TIAM1: variants seen among roughly 807,000 people sequenced by gnomAD.
TIAM1 encodes rho guanine nucleotide exchange factor TIAM1.
Under a neutral mutation model 163.5 loss-of-function variants are expected in TIAM1, and 65 were observed. The observed-to-expected ratio is 0.40, with a 90% CI of 0.33 to 0.49. TIAM1 has a LOEUF of 0.49. Among genes scored for constraint, TIAM1 ranks in the 20% least tolerant of loss-of-function variants. The pLI is 0.77. For synonymous variants in TIAM1, 833 were observed against 810.1 expected (o/e 1.03, Z -0.48); for missense variants, 1,789 against 2,044.7 (o/e 0.87, Z 2.41).
At chr21:31,329,498 G>A (rs187437824) in intron 2 of TIAM1, among the ~76,000 whole-genome samples, 3 of 152,256 alleles carry the variant, frequency 2.0e-5, no homozygotes, top group East Asian at 1.9e-4. Flanking sequence ...ATTCAAATAC[G>A]ACCAAATCCC....
upstream of TIAM1, among the ~76,000 whole-genome samples, chr21:31,347,547 A>G (rs1023119067): frequency 6.6e-6 from 1 of 152,232 alleles, no homozygotes; most frequent in Non-Finnish European, 1.5e-5. Flanking sequence ...ATGTGAACGC[A>G]GGTCCGAGCC....
chr21:31,397,343 T>C (rs967238847), intron 2 of TIAM1, among the ~76,000 whole-genome samples: 4 of 152,174 alleles, frequency 2.6e-5, no homozygotes, highest in Admixed American at 1.3e-4. Flanking sequence ...CAAATTCCTA[T>C]ACAGATCTTT....
chr21:31,418,160 G>A (rs367556220), intron 2 of TIAM1, among the ~76,000 whole-genome samples: 20 of 151,870 alleles, frequency 1.3e-4, no homozygotes, highest in Non-Finnish European at 2.5e-4. Flanking sequence ...TGGCCAACAT[G>A]GCGAAACCCC....
chr21:31,118,878 G>A lies in TIAM1; in HGVS notation c.*1490C>T, dbSNP rs751847580. The A allele has an allele frequency of 1.5e-4, 51 of 337,054 alleles. 1 individual carries two copies. Among genetic ancestry groups the A allele is most frequent in the Middle Eastern group, 1.0e-3 (1 of 954 alleles). The allele number at this position is 337,054 out of a possible 1,614,324, so 20.9% of individuals were successfully genotyped here. ...GCAGGAAAAGCAGGCAGAGGCACAA[G>A]AGCATGATGTACTGAACTCTCTATT... On this transcript the variant is annotated 3_prime_UTR_variant, in exon 28 of 28. Transcript: ENST00000541036.
intron 17 of TIAM1, among the ~76,000 whole-genome samples, chr21:31,153,897 C>CAAAAA (rs58362576): frequency 6.0e-5 from 9 of 149,642 alleles, no homozygotes; most frequent in African/African-American, 2.0e-4. Flanking sequence ...CTCCTCTCTA[C>CAAAAA]AAAAAAAAAC....
At chr21:31,295,252 T>C (rs373904432) in intron 2 of TIAM1, among the ~76,000 whole-genome samples, 2,140 of 152,114 alleles carry the variant, frequency 0.014, 48 homozygotes, top group African/African-American at 0.044. Flanking sequence ...GGGCGGATCA[T>C]GAAGTCAGGA....
At position 31,407,629 on chromosome 21, in the gene TIAM1, ATTTTTTTTTTT is replaced by A. The variant is rs562921160; in HGVS notation, c.-369+56343_-369+56353del. On this transcript the variant is annotated intron_variant, in intron 2 of 28. Coordinates refer to the TIAM1 transcript ENST00000286827. Reference sequence around the variant, plus strand: ...TTTTCAAATGAGTCATTTGCTCTTAATTTTTTTTTTTTTTTTTTTTTTTTTGGACAGAGTCT... The same window carrying A: ...TTTTCAAATGAGTCATTTGCTCTTAATTTTTTTTTTTTTTGGACAGAGTCT... 8.5e-5 allele frequency among the ~76,000 whole-genome samples: 8 copies of A among 94,076 alleles called. No individual in the cohort carries two copies. The East Asian group carries it at 1.6e-3, about 18-fold the overall frequency. The allele number at this position is 94,076 out of a possible 152,430, so 61.7% of individuals were successfully genotyped here.
chr21:31,245,595 G>C lies in TIAM1; in HGVS notation c.1477C>G (p.His493Asp), dbSNP rs763151380. 1.2e-6 allele frequency: 2 copies of C among 1,608,564 alleles called. No individual in the cohort carries two copies. Among genetic ancestry groups the C allele is most frequent in the Non-Finnish European group, 1.7e-6 (2 of 1,177,610 alleles). Residue 493 changes from histidine (H) to aspartate (D), a missense_variant, in exon 6 of 28, where the codon CAC becomes GAC. By Grantham distance (81) the His-to-Asp change is moderately conservative. Around this residue, in one of 5 missense-constraint regions of TIAM1, gnomAD observed 456 missense variants for 586.6 expected, o/e 0.78. Transcript: ENST00000541036. The stretch of plus-strand genomic sequence containing the variant: ...ATGCTGTTCTCCACCCAGACGGCGT[G>C]TTTGGGGATGCTGTTGTGGTCTATC... ...SGIDHNSIPK[H>D]AVWVENSIVQ...
chr21:31,283,211 T>C (rs901381741), intron 2 of TIAM1, among the ~76,000 whole-genome samples: 4 of 152,180 alleles, frequency 2.6e-5, no homozygotes, highest in Admixed American at 2.6e-4. Flanking sequence ...TTCCCCTAAG[T>C]TCTTGGTGTT....
intron 1 of TIAM1, among the ~76,000 whole-genome samples, chr21:31,479,388 G>C (rs531756259): frequency 6.6e-6 from 1 of 151,434 alleles, no homozygotes; most frequent in Non-Finnish European, 1.5e-5. Context: ...TGGATGGATG[G>C]ATGGATGGAT....
rs2045597922 is a variant in TIAM1, at chr21:31,468,108, T to G, written c.-421-4073A>C. ...CTTAAAAAAAAAAAAAAAGTAGAAA[T>G]AAATAAAACGACACAGCTGCCTTTC... is the stretch of plus-strand genomic sequence containing the variant. On this transcript the variant is annotated intron_variant, in intron 1 of 28. Transcript: ENST00000286827. Among the ~76,000 whole-genome samples, 3 of 143,692 alleles carry G rather than the reference T, an allele frequency of 2.1e-5. No homozygotes were observed. The Admixed American group carries it at 2.1e-4, about 10-fold the overall frequency. 94.3% of individuals were successfully genotyped at this position (143,692 alleles called of 152,430 possible). A position where few individuals can be genotyped will look rare whatever the true frequency, so the allele number is the denominator to read the frequency against.
intron 2 of TIAM1, among the ~76,000 whole-genome samples, chr21:31,408,735 T>G (rs1455432639): frequency 1.3e-5 from 2 of 152,246 alleles, no homozygotes; most frequent in Non-Finnish European, 2.9e-5. Flanking sequence ...AGTTCTATTT[T>G]GAGGACACTG....
chr21:31,154,305 G>A lies in TIAM1; in HGVS notation c.3113C>T (p.Ala1038Val), dbSNP rs777197390. The A allele has an allele frequency of 1.2e-6, 2 of 1,614,146 alleles. No individual in the cohort carries two copies. Among genetic ancestry groups the A allele is most frequent in the South Asian group, 2.2e-5 (2 of 91,080 alleles). ...QLATMRQLSD[A>V]DKLRKVICEL... is the part of the protein sequence containing the mutation. ...GCAGATCACCTTGCGCAGCTTATCT[G>A]CATCCGAGAGTTGTCTCATGGTCGC... is the stretch of plus-strand genomic sequence containing the variant. The change falls in exon 17 of 28, where the codon GCA becomes GTA. Residue 1038 changes from alanine to valine, a missense_variant. Physicochemically the swap from Ala to Val is moderately conservative, Grantham distance 64 (BLOSUM62 0). Around this residue, in one of 5 missense-constraint regions of TIAM1, gnomAD observed 303 missense variants for 321.3 expected, o/e 0.94. Transcript: ENST00000541036.
chr21:31,210,352 G>A, intron 10 of TIAM1, 137 bp from the exon 11 acceptor site: 1 of 836,414 alleles, frequency 1.2e-6, no homozygotes, highest in African/African-American at 1.7e-5. Flanking sequence ...GGGAGGCAGG[G>A]GAACCCTTGG....
At position 31,323,661 on chromosome 21, in the gene TIAM1, T is replaced by C. The variant is rs576966805; in HGVS notation, c.-189+15582A>G. Among the ~76,000 whole-genome samples the C allele has an allele frequency of 6.5e-4, 99 of 151,700 alleles. 1 individual carries two copies. In the Middle Eastern group the frequency reaches 0.017, roughly 26 times the overall value. The stretch of plus-strand genomic sequence containing the variant: ...GCCTGGCCAACATGACAAAACCCCG[T>C]CTCTACTAAAAATAAAAAAATTAGC... On this transcript the variant is annotated intron_variant, in intron 2 of 27. Coordinates refer to ENST00000541036, the MANE Select transcript of TIAM1 (RefSeq NM_001353694.2).
rs1309843293 is a variant in TIAM1 at position 31,154,348 on chromosome 21, A to G, written c.3070T>C (p.Ser1024Pro). The G allele has an allele frequency of 2.0e-5, 33 of 1,614,010 alleles. No individual in the cohort carries two copies. Among genetic ancestry groups the G allele is most frequent in the Non-Finnish European group, 2.6e-5 (31 of 1,180,032 alleles). ...ATGGTCGCCAGCTGAGGCCCCGTGG[A>G]GTCCTGAGGAGATGGGCTCTGGTCA... The part of the protein sequence containing the change: ...PSDQSPSPQD[S>P]TGPQLATMRQ... The change falls in exon 17 of 28, where the codon TCC (serine) becomes CCC (proline). Residue 1024 changes from serine (S) to proline (P), a missense_variant. Around this residue, in one of 5 missense-constraint regions of TIAM1, gnomAD observed 303 missense variants for 321.3 expected, o/e 0.94. Coordinates refer to ENST00000541036, the MANE Select transcript of TIAM1 (RefSeq NM_001353694.2).
At chr21:31,182,382 G>A (rs755255856) in intron 15 of TIAM1, 39 bp downstream of exon 15, 9 of 1,460,546 alleles carry the variant, frequency 6.2e-6, no homozygotes, top group Admixed American at 5.3e-5. Flanking sequence ...GTGGCACAAC[G>A]GAGTTCAGAC....
chr21:31,200,232 G>GCA, intron 12 of TIAM1, among the ~76,000 whole-genome samples: 1 of 152,224 alleles, frequency 6.6e-6, no homozygotes, highest in East Asian at 1.9e-4. Flanking sequence ...AGCTACTTGG[G>GCA]AGGCTGAGGC....
At chr21:31,192,399 G>A (rs1439722327) in intron 13 of TIAM1, among the ~76,000 whole-genome samples, 1 of 152,018 alleles carries the variant, frequency 6.6e-6, no homozygotes, top group Non-Finnish European at 1.5e-5. Context: ...GGGTGGATCA[G>A]TTGAGGTCAG....
Sources: allele counts gnomAD v4.1 joint callset (sites outside exome capture counted in the v4.1 genomes callset), GRCh38; gene constraint gnomAD v4.1.1; regional missense constraint gnomAD v4.1.1; transcripts MANE v1.5; gene names NCBI Gene and HGNC (gene_info 2026-07-23, HGNC 2026-07-21).